The following PPP1R1C variants were observed in gnomAD, a reference collection of about 807,000 sequenced individuals.
The protein encoded by PPP1R1C is protein phosphatase 1 regulatory subunit 1C.
In PPP1R1C, 15 loss-of-function variants were observed where a neutral mutation model predicts 17.4. That is an observed-to-expected ratio of 0.86 (90% CI 0.58 to 1.33). PPP1R1C has a LOEUF of 1.33. PPP1R1C is among the 40% of genes most tolerant of loss of function. The pLI, the probability that PPP1R1C is intolerant of heterozygous loss-of-function variation, is 0.00. For synonymous variants in PPP1R1C, 35 were observed against 43.1 expected (o/e 0.81, Z 0.73); for missense variants, 143 against 130.0 (o/e 1.10, Z -0.48).
intron 4 of PPP1R1C, among the ~76,000 whole-genome samples, chr2:182,074,965 G>C (rs1386203394): frequency 6.6e-6 from 1 of 152,142 alleles, no homozygotes; most frequent in Non-Finnish European, 1.5e-5. Context: ...TTTTGAGGAA[G>C]GTTTACAGTT....
In PPP1R1C at chr2:182,095,984, C is replaced by T. The variant is rs570805180; in HGVS notation, c.242-21223C>T. ...AGCAGGACTCTGTCTCAGACACACA[C>T]AAAAAAACTCTAAAAAAAAAAAAAA... On this transcript the variant is annotated intron_variant, in intron 4 of 4. Coordinates refer to ENST00000682840, the MANE Select transcript of PPP1R1C (RefSeq NM_001080545.3). Among the ~76,000 whole-genome samples, 110 of 124,580 alleles carry T rather than the reference C, an allele frequency of 8.8e-4. 1 individual carries two copies. Among genetic ancestry groups the T allele is most frequent in the African/African-American group, 3.5e-3 (106 of 30,328 alleles). 81.7% of individuals were successfully genotyped at this position (124,580 alleles called of 152,430 possible).
intron 4 of PPP1R1C, among the ~76,000 whole-genome samples, chr2:182,077,386 G>A (rs1193306756): frequency 6.6e-6 from 1 of 151,750 alleles, no homozygotes; most frequent in African/African-American, 2.4e-5. Flanking sequence ...AATATCACAG[G>A]GCCTCACTGG....
At chr2:182,111,604 T>C (rs999782838) in intron 4 of PPP1R1C, among the ~76,000 whole-genome samples, 2 of 152,014 alleles carry the variant, frequency 1.3e-5, no homozygotes, top group Non-Finnish European at 2.9e-5. Flanking sequence ...GATTGAACAA[T>C]TACAATAAAT....
chr2:182,122,715 AAAGT>A (rs1689764103), downstream of PPP1R1C, among the ~76,000 whole-genome samples: 1 of 152,342 alleles, frequency 6.6e-6, no homozygotes. Context: ...AAACAGACAT[AAAGT>A]AAGCAAGAAA....
At chr2:181,987,066 TG>T (rs1381703109) in intron 1 of PPP1R1C, among the ~76,000 whole-genome samples, 4 of 152,192 alleles carry the variant, frequency 2.6e-5, no homozygotes, top group African/African-American at 9.6e-5. Context: ...GCCAGATAAA[TG>T]TATCCTTGAA....
At chr2:182,057,432 A>G (rs954428184) in intron 2 of PPP1R1C, among the ~76,000 whole-genome samples, 1 of 152,142 alleles carries the variant, frequency 6.6e-6, no homozygotes, top group Non-Finnish European at 1.5e-5. Flanking sequence ...AGTATTTGGT[A>G]TGAGGGCAGG....
chr2:181,962,244 T>C lies in PPP1R1C; in HGVS notation n.111+7610T>C. 2 of 731,030 alleles carry C rather than the reference T, an allele frequency of 2.7e-6. No homozygotes were observed. The highest frequency in any genetic ancestry group is 4.9e-6 in the Non-Finnish European group (2 of 404,302). 45.3% of individuals were successfully genotyped at this position (731,030 alleles called of 1,614,324 possible). A position where few individuals can be genotyped will look rare whatever the true frequency, so the allele number is the denominator to read the frequency against. On this transcript the variant is annotated intron_variant and non_coding_transcript_variant, in intron 1 of 5. Coordinates refer to the PPP1R1C transcript ENST00000464264. The surrounding 1 kb of genome is among the most constrained non-coding windows in gnomAD (Gnocchi z 6.0). Reference sequence around the variant, plus strand: ...AGGCTTTGCATTGTCTCCTTCTTATTCTGGATGCCTCCCATTCCTGCCAGA... The same window carrying C: ...AGGCTTTGCATTGTCTCCTTCTTATCCTGGATGCCTCCCATTCCTGCCAGA...
rs540254445 is a variant in PPP1R1C, at chr2:182,023,465, G to C, written c.142+35566G>C. ...AGACAATCCAACATAAGGACAATTG[G>C]TGTCACCCTTGGCAACTGCCCCACC... is the stretch of plus-strand genomic sequence containing the variant. On this transcript the variant is annotated intron_variant, in intron 2 of 4. Transcript: ENST00000682840. 4.0e-5 allele frequency among the ~76,000 whole-genome samples: 6 copies of C among 151,762 alleles called. No individual in the cohort carries two copies. In the South Asian group the frequency reaches 1.3e-3, roughly 32 times the overall value.
chr2:182,015,730 G>A (rs1250160788), intron 2 of PPP1R1C, among the ~76,000 whole-genome samples: 1 of 152,136 alleles, frequency 6.6e-6, no homozygotes, highest in Non-Finnish European at 1.5e-5. Flanking sequence ...TGGAATGGGG[G>A]GTCTTAGGGC....
chr2:182,103,518 C>T (rs1689159115), intron 4 of PPP1R1C: 1 of 152,168 alleles, frequency 6.6e-6, no homozygotes, highest in South Asian at 2.1e-4. Flanking sequence ...AACAGACCAA[C>T]TGTAGGGCAG....
chr2:182,074,038 CTTCT>C (rs1014191734), intron 4 of PPP1R1C, among the ~76,000 whole-genome samples: 4 of 141,842 alleles, frequency 2.8e-5, no homozygotes, highest in Non-Finnish European at 4.6e-5. Context: ...AAAAATTCTT[CTTCT>C]TTTTTTTTTT....
chr2:181,964,033 C>G lies in PPP1R1C; in HGVS notation n.111+9399C>G, dbSNP rs375570012. Among the ~76,000 whole-genome samples, 11 of 152,208 alleles carry G rather than the reference C, an allele frequency of 7.2e-5. No homozygotes were observed. The East Asian group carries it at 2.1e-3, about 29-fold the overall frequency. On this transcript the variant is annotated intron_variant and non_coding_transcript_variant, in intron 1 of 5. Coordinates refer to the PPP1R1C transcript ENST00000464264. Reference sequence around the variant, plus strand: ...TGTTGACTGTATTCACCCTGTTGTGCTATCAAATACCAGATCTTATTTATT... The same window carrying G: ...TGTTGACTGTATTCACCCTGTTGTGGTATCAAATACCAGATCTTATTTATT...
At chr2:182,021,309 TTCTC>T (rs1239687755) in intron 2 of PPP1R1C, among the ~76,000 whole-genome samples, 1 of 83,242 alleles carries the variant, frequency 1.2e-5, no homozygotes, top group Admixed American at 1.4e-4. Flanking sequence ...TGGTTATTCT[TTCTC>T]TCTCTCTCTT....
chr2:182,046,269 C>G (rs1316804222), intron 2 of PPP1R1C, among the ~76,000 whole-genome samples: 1 of 151,994 alleles, frequency 6.6e-6, no homozygotes, highest in Non-Finnish European at 1.5e-5. Flanking sequence ...TTTACTTAAC[C>G]TACATAATGC....
intron 2 of PPP1R1C, among the ~76,000 whole-genome samples, chr2:182,057,237 G>A (rs1487477992): frequency 2.0e-5 from 3 of 152,132 alleles, no homozygotes; most frequent in Non-Finnish European, 4.4e-5. Flanking sequence ...GGTTGCCTGG[G>A]GAGATAAAAA....
chr2:182,019,393 A>G (rs533058724), intron 2 of PPP1R1C, among the ~76,000 whole-genome samples: 2 of 152,286 alleles, frequency 1.3e-5, no homozygotes, highest in South Asian at 2.1e-4. Context: ...TTACAGCTCT[A>G]CTGGGCACAG....
At chr2:182,024,454 C>A (rs1474145652) in intron 2 of PPP1R1C, among the ~76,000 whole-genome samples, 1 of 151,526 alleles carries the variant, frequency 6.6e-6, no homozygotes, top group South Asian at 2.1e-4. Flanking sequence ...AAATAATATT[C>A]TCTATTTTTT....
chr2:182,043,362 T>C (rs1687242874), intron 2 of PPP1R1C, among the ~76,000 whole-genome samples: 1 of 152,124 alleles, frequency 6.6e-6, no homozygotes, highest in Non-Finnish European at 1.5e-5. Flanking sequence ...TATACTGAAC[T>C]CAAAATACTT....
At chr2:182,064,207 T>C (rs371188931) in intron 4 of PPP1R1C, 6 of 187,364 alleles carry the variant, frequency 3.2e-5, no homozygotes, top group African/African-American at 1.4e-4. Flanking sequence ...TGTTGCCTCA[T>C]TGTATTGTGT....
Sources: allele counts gnomAD v4.1 joint callset (sites outside exome capture counted in the v4.1 genomes callset), GRCh38; gene constraint gnomAD v4.1.1; non-coding constraint Gnocchi (gnomAD v3.1); transcripts MANE v1.5; gene names NCBI Gene and HGNC (gene_info 2026-07-23, HGNC 2026-07-21).